The following PIEZO2 variants were observed in gnomAD, a reference collection of about 807,000 sequenced individuals.
The protein encoded by PIEZO2 is piezo type mechanosensitive ion channel component 2.
Under a neutral mutation model 337.3 loss-of-function variants are expected in PIEZO2, and 172 were observed. The ratio of observed to expected loss-of-function variants is 0.51; its 90% CI spans 0.45 to 0.58. The LOEUF (loss-of-function observed/expected upper bound fraction) is 0.58. Among genes scored for constraint, PIEZO2 ranks in the 20% least tolerant of loss-of-function variants. The probability of loss-of-function intolerance (pLI) is 0.00; values close to 1 mark genes in which losing one functional copy is unlikely to be tolerated. For synonymous variants in PIEZO2, 1,251 were observed against 1,228.5 expected (o/e 1.02, Z -0.38); for missense variants, 3,028 against 3,391.3 (o/e 0.89, Z 2.66).
At position 11,127,793 on chromosome 18, in the gene PIEZO2, G is replaced by GTGTGCA. The variant is rs1160854280; in HGVS notation, c.64+20731_64+20732insTGCACA. Among the ~76,000 whole-genome samples, 23 of 77,742 alleles carry GTGTGCA rather than the reference G, an allele frequency of 3.0e-4. No homozygotes were observed. The highest frequency in any genetic ancestry group is 5.6e-4 in the African/African-American group (9 of 16,044). The allele number at this position is 77,742 out of a possible 152,430, so 51.0% of individuals were successfully genotyped here. On this transcript the variant is annotated intron_variant, in intron 1 of 55. Transcript: ENST00000674853. This position sits in a 1 kb window ranked among gnomAD's most constrained non-coding sequence, Gnocchi z 4.5. Reference sequence around the variant, plus strand: ...ATGATATATATGCATATACGTGTGTGTGTGTGTGCATGTGTGTGTGTGTGT... The same window carrying GTGTGCA: ...ATGATATATATGCATATACGTGTGTGTGTGCATGTGTGTGCATGTGTGTGTGTGTGT...
rs11390110 is a variant in PIEZO2, at chr18:11,055,210, C to CAAA, written c.160+10914_160+10916dup. ...TGGGCGAAAGAGTGAGACTCTGTCT[C>CAAA]AAAAAAAAAAAAAAAAAAAAAAGAA... On this transcript the variant is annotated intron_variant, in intron 2 of 55. Coordinates refer to ENST00000674853, the MANE Select transcript of PIEZO2 (RefSeq NM_001378183.1). Among the ~76,000 whole-genome samples, 381 of 78,716 alleles carry CAAA rather than the reference C, an allele frequency of 4.8e-3. 6 individuals are homozygous for CAAA. The highest frequency in any genetic ancestry group is 0.013 in the African/African-American group (244 of 19,266). 51.6% of individuals were successfully genotyped at this position (78,716 alleles called of 152,430 possible).
chr18:10,996,814 A>G (rs1178864057), intron 2 of PIEZO2, among the ~76,000 whole-genome samples: 1 of 152,110 alleles, frequency 6.6e-6, no homozygotes, highest in Non-Finnish European at 1.5e-5. Flanking sequence ...CAATTATTTT[A>G]TGTACATACT....
chr18:10,694,450 G>A (rs2034995698), intron 47 of PIEZO2, among the ~76,000 whole-genome samples: 1 of 152,036 alleles, frequency 6.6e-6, no homozygotes, highest in African/African-American at 2.4e-5. Flanking sequence ...CATAAGACTT[G>A]GCTACAAATG....
chr18:10,995,091 A>AGAAAGAAAAAAAAG (rs71169966), intron 2 of PIEZO2, among the ~76,000 whole-genome samples: 1 of 151,286 alleles, frequency 6.6e-6, no homozygotes, highest in Non-Finnish European at 1.5e-5. Context: ...AAAAAAAAAA[A>AGAAAGAAAAAAAAG]AAAAAGAAAA....
At chr18:10,967,570 G>A (rs2034063319) in intron 3 of PIEZO2, among the ~76,000 whole-genome samples, 1 of 152,120 alleles carries the variant, frequency 6.6e-6, no homozygotes, top group Non-Finnish European at 1.5e-5. Context: ...CCCATCAACA[G>A]TGTAAAATTG....
In PIEZO2 at chr18:10,852,353, T is replaced by G. The variant is rs570364484; in HGVS notation, c.917+3000A>C. On this transcript the variant is annotated intron_variant, in intron 7 of 55. Transcript: ENST00000674853. Reference sequence around the variant, plus strand: ...GTGGGAATGTGTGTGTGTGGATGGGTGTGTGTGTGTGTGGGTGTGGATGCT... The same window carrying G: ...GTGGGAATGTGTGTGTGTGGATGGGGGTGTGTGTGTGTGGGTGTGGATGCT... Among the ~76,000 whole-genome samples the G allele has an allele frequency of 2.3e-3, 344 of 151,512 alleles. 2 individuals carry two copies. The highest frequency in any genetic ancestry group is 7.1e-3 in the African/African-American group (292 of 41,370).
chr18:10,849,892 G>A (rs190074413), intron 7 of PIEZO2, among the ~76,000 whole-genome samples: 1 of 152,274 alleles, frequency 6.6e-6, no homozygotes, highest in Admixed American at 6.5e-5. Flanking sequence ...GTTTTGAATG[G>A]TATATTACTG....
intron 43 of PIEZO2, among the ~76,000 whole-genome samples, chr18:10,701,344 G>A (rs779037212): frequency 5.3e-5 from 8 of 152,344 alleles, no homozygotes; most frequent in Non-Finnish European, 8.8e-5. Context: ...TTGCTCAGAA[G>A]GACAGGAGTC....
At chr18:11,030,630 C>T (rs568967268) in intron 2 of PIEZO2, among the ~76,000 whole-genome samples, 12 of 152,240 alleles carry the variant, frequency 7.9e-5, no homozygotes, top group Admixed American at 5.2e-4. Context: ...CGTGCTCCAG[C>T]GAAGAGTTAG....
In PIEZO2 at chr18:10,713,301, C is replaced by A. The variant is rs749083992; in HGVS notation, c.5423+1463G>T. The stretch of plus-strand genomic sequence containing the variant: ...AATAATTGGCATAATTAGAGAGGCT[C>A]AAATACAGGAATGCAGCAACAGTTA... On this transcript the variant is annotated intron_variant, in intron 39 of 55. Coordinates refer to ENST00000674853, the MANE Select transcript of PIEZO2 (RefSeq NM_001378183.1). This position sits in a 1 kb window ranked among gnomAD's most constrained non-coding sequence, Gnocchi z 4.5. 6.6e-6 allele frequency among the ~76,000 whole-genome samples: 1 copy of A among 151,516 alleles called. No individual in the cohort carries two copies. The highest frequency in any genetic ancestry group is 1.5e-5 in the Non-Finnish European group (1 of 67,952).
In PIEZO2 at chr18:10,795,273, C is replaced by T. The variant is rs1021501081; in HGVS notation, c.1528-271G>A. Among the ~76,000 whole-genome samples, 1 of 151,868 alleles carries T rather than the reference C, an allele frequency of 6.6e-6. No individual in the cohort carries two copies. Among genetic ancestry groups the T allele is most frequent in the African/African-American group, 2.4e-5 (1 of 41,368 alleles). On this transcript the variant is annotated intron_variant, in intron 12 of 55. Transcript: ENST00000674853. This position sits in a 1 kb window ranked among gnomAD's most constrained non-coding sequence, Gnocchi z 4.4. ...TTAATGAAGGATTGTGTTGTTTTTA[C>T]AATAGACTTTTTTCAGTTAAGTAGC...
intron 2 of PIEZO2, among the ~76,000 whole-genome samples, chr18:10,992,948 C>T (rs2035164763): frequency 6.6e-6 from 1 of 152,144 alleles, no homozygotes; most frequent in South Asian, 2.1e-4. Flanking sequence ...CTTCACATCC[C>T]TTGTAAGTTG....
intron 3 of PIEZO2, among the ~76,000 whole-genome samples, chr18:10,924,035 C>T (rs965697742): frequency 8.5e-5 from 13 of 152,294 alleles, no homozygotes; most frequent in Middle Eastern, 6.8e-3. Flanking sequence ...ATTGAAGGTT[C>T]TCAGCCAGTG....
chr18:10,911,024 A>G (rs1227340686), intron 4 of PIEZO2, among the ~76,000 whole-genome samples, 162 bp downstream of exon 4: 1 of 151,056 alleles, frequency 6.6e-6, no homozygotes, highest in Admixed American at 6.6e-5. Context: ...TGCTCTACAA[A>G]GAAACTGAGG....
At position 10,699,060 on chromosome 18, in the gene PIEZO2, T is replaced by A; in HGVS notation, c.6559A>T (p.Ile2187Phe). 1 of 1,537,200 alleles carries A rather than the reference T, an allele frequency of 6.5e-7. No individual in the cohort carries two copies. The highest frequency in any genetic ancestry group is 1.2e-5 in the South Asian group (1 of 84,052). ...RRDSSDSLKSINLAASVESVH... is the reference protein window; with the variant it reads ...RRDSSDSLKSFNLAASVESVH... Reference sequence around the variant, plus strand: ...GACTCCACAGACGCGGCCAGGTTGATGGACTTGAGAGAATCGGAGGAGTCC... The same window carrying A: ...GACTCCACAGACGCGGCCAGGTTGAAGGACTTGAGAGAATCGGAGGAGTCC... The change falls in exon 44 of 56, where the codon ATC becomes TTC. Residue 2187 changes from isoleucine (I) to phenylalanine (F), a missense_variant. Ile to Phe is a conservative substitution (Grantham distance 21, BLOSUM62 0). This residue lies in a region of PIEZO2 where 1,925 missense variants were observed against 2,051.9 expected (regional missense o/e 0.94). Coordinates refer to ENST00000674853, the MANE Select transcript of PIEZO2 (RefSeq NM_001378183.1).
chr18:11,071,589 C>T (rs1269542554), intron 1 of PIEZO2, among the ~76,000 whole-genome samples: 2 of 152,128 alleles, frequency 1.3e-5, no homozygotes, highest in Non-Finnish European at 2.9e-5. Context: ...CACAAGAAGT[C>T]CAGCCAGAGA....
intron 49 of PIEZO2, among the ~76,000 whole-genome samples, chr18:10,684,332 A>ATG (rs1567945367): frequency 6.8e-6 from 1 of 148,018 alleles, no homozygotes; most frequent in Non-Finnish European, 1.5e-5. Flanking sequence ...TGCCTGGCTA[A>ATG]TTTTTTGTAT....
rs554907154 is a variant in PIEZO2, at chr18:10,783,711, T to A, written c.2492+1073A>T. Among the ~76,000 whole-genome samples the A allele has an allele frequency of 4.5e-4, 68 of 152,288 alleles. 1 individual carries two copies. Among genetic ancestry groups the A allele is most frequent in the African/African-American group, 1.5e-3 (62 of 41,560 alleles). On this transcript the variant is annotated intron_variant, in intron 17 of 55. Transcript: ENST00000674853. The surrounding 1 kb of genome is among the most constrained non-coding windows in gnomAD (Gnocchi z 4.3). ...GACTGATTGATACCTCTTGGTTCCA[T>A]GGGTTACGAGTCATCTGAAGTATCA...
chr18:10,928,367 A>C (rs2031880193), intron 3 of PIEZO2, among the ~76,000 whole-genome samples: 1 of 152,110 alleles, frequency 6.6e-6, no homozygotes, highest in African/African-American at 2.4e-5. Flanking sequence ...GCTGTTGGAT[A>C]CTCACTGCTC....
Sources: gnomAD v4.1 joint callset for allele counts (sites outside exome capture counted in the v4.1 genomes callset) on GRCh38, gnomAD v4.1.1 for gene constraint, gnomAD v4.1.1 regional missense constraint, Gnocchi (gnomAD v3.1) non-coding constraint, MANE v1.5 for transcripts, NCBI Gene and HGNC (gene_info 2026-07-23, HGNC 2026-07-21) for gene names.